EHD4: variants seen among roughly 807,000 people sequenced by gnomAD.
EHD4 encodes EH domain-containing protein 4.
A neutral mutation model predicts 51.0 loss-of-function variants in EHD4; 37 were observed. That is an observed-to-expected ratio of 0.73 (90% CI 0.56 to 0.95). EHD4 has a LOEUF of 0.95. Among genes scored for constraint, EHD4 ranks in the 40% least tolerant of loss-of-function variants. EHD4 has a pLI of 0.00. For synonymous variants in EHD4, 297 were observed against 317.3 expected (o/e 0.94, Z 0.68); for missense variants, 632 against 733.1 (o/e 0.86, Z 1.59).
intron 1 of EHD4, among the ~76,000 whole-genome samples, chr15:41,969,783 GC>G (rs2067984685): frequency 6.6e-6 from 1 of 152,082 alleles, no homozygotes; most frequent in Non-Finnish European, 1.5e-5. Flanking sequence ...TCCTTCTCTG[GC>G]CAATTCTTTA....
Position 41,900,844 on chromosome 15 carries a change from G to T in EHD4, c.1427C>A (p.Thr476Asn), listed in dbSNP as rs2067472337. The T allele has an allele frequency of 6.2e-7, 1 of 1,614,170 alleles. No individual in the cohort carries two copies. ...SGVNAKKEMV[T>N]SKLPNSVLGK... ...CAGGACGCTGTTGGGCAGCTTGGAG[G>T]TCACCATCTCCTTCTTGGCGTTGAC... The change falls in exon 6 of 6, where the codon ACC (threonine) becomes AAC (asparagine). Residue 476 changes from threonine to asparagine, a missense_variant. Physicochemically the swap from Thr to Asn is moderately conservative, Grantham distance 65. Coordinates refer to ENST00000220325, the MANE Select transcript of EHD4 (RefSeq NM_139265.4). This position sits in a 1 kb window ranked among gnomAD's most constrained non-coding sequence, Gnocchi z 4.8.
intron 2 of EHD4, among the ~76,000 whole-genome samples, chr15:41,944,825 TAA>T (rs1491396258): frequency 1.8e-4 from 28 of 152,214 alleles, no homozygotes; most frequent in South Asian, 2.1e-4. Context: ...ACATTAAAAG[TAA>T]AGGGTCAAGT....
chr15:41,930,345 A>G (rs116116206), intron 3 of EHD4, among the ~76,000 whole-genome samples: 2,436 of 152,328 alleles, frequency 0.016, 61 homozygotes, highest in African/African-American at 0.056. Context: ...AATCAGACGG[A>G]GTTGGCGTGG....
At chr15:41,956,249 G>C (rs1215099301) in intron 1 of EHD4, among the ~76,000 whole-genome samples, 1 of 152,232 alleles carries the variant, frequency 6.6e-6, no homozygotes, top group African/African-American at 2.4e-5. Context: ...GAAGAGCTCG[G>C]TGTGGAGCTC....
intron 3 of EHD4, among the ~76,000 whole-genome samples, chr15:41,937,691 C>T (rs1417142120): frequency 6.6e-6 from 1 of 152,186 alleles, no homozygotes; most frequent in Non-Finnish European, 1.5e-5. Context: ...TCTCCTTTCC[C>T]GAGCAAGCTT....
rs138382163 is a variant in EHD4 at position 41,953,862 on chromosome 15, A to G, written c.315T>C (p.Tyr105=). ...PTTDSFIAVM[Y]GETEGSTPGN... is the part of the protein sequence containing the mutation. ...CTGGGGTGCTGCCCTCAGTCTCTCC[A>G]TACATCACGGCGATGAAGGAGTCTG... The change falls in exon 2 of 6, where the codon TAT becomes TAC. Residue 105 remains tyrosine (Y), a synonymous_variant. Transcript: ENST00000220325. 6 of 1,613,938 alleles carry G rather than the reference A, an allele frequency of 3.7e-6. No homozygotes were observed. The African/African-American group carries it at 8.0e-5, about 22-fold the overall frequency.
intron 2 of EHD4, among the ~76,000 whole-genome samples, chr15:41,951,504 TGCC>T (rs2067852294): frequency 6.6e-6 from 1 of 152,196 alleles, no homozygotes; most frequent in South Asian, 2.1e-4. Context: ...GTAAATCATT[TGCC>T]AAAATAAAGC....
chr15:41,968,122 C>A (rs1335441492), intron 1 of EHD4, among the ~76,000 whole-genome samples: 1 of 152,144 alleles, frequency 6.6e-6, no homozygotes, highest in African/African-American at 2.4e-5. Flanking sequence ...TCTAATCATA[C>A]CTTAAAAGGC....
chr15:41,935,286 A>G (rs181847732), intron 3 of EHD4, among the ~76,000 whole-genome samples: 8 of 152,220 alleles, frequency 5.3e-5, no homozygotes, highest in African/African-American at 1.9e-4. Context: ...TGGCTCCTCT[A>G]TCTCCCCTAG....
At position 41,963,296 on chromosome 15, in the gene EHD4, T is replaced by TAAA. The variant is rs35077069; in HGVS notation, c.236+8960_236+8962dup. The stretch of plus-strand genomic sequence containing the variant: ...ACACCCAAGAATGATCAATAAATAC[T>TAAA]AAAAAAAAAAAAAAAAAAGAGGCAG... On this transcript the variant is annotated intron_variant, in intron 1 of 5. Coordinates refer to ENST00000220325, the MANE Select transcript of EHD4 (RefSeq NM_139265.4). Among the ~76,000 whole-genome samples, 339 of 126,942 alleles carry TAAA rather than the reference T, an allele frequency of 2.7e-3. 4 individuals carry two copies. The highest frequency in any genetic ancestry group is 1.0e-2 in the African/African-American group (322 of 32,310). 83.3% of individuals were successfully genotyped at this position (126,942 alleles called of 152,430 possible).
chr15:41,919,017 T>A (rs1221329864), intron 4 of EHD4, among the ~76,000 whole-genome samples, 193 bp downstream of exon 4: 1 of 152,164 alleles, frequency 6.6e-6, no homozygotes, highest in Non-Finnish European at 1.5e-5. Context: ...GGGTTAGTCA[T>A]CTGCCCAGGA....
intron 4 of EHD4, among the ~76,000 whole-genome samples, chr15:41,918,817 C>G (rs1206006577): frequency 6.6e-6 from 1 of 152,242 alleles, no homozygotes; most frequent in Non-Finnish European, 1.5e-5. Context: ...CCAATGCCAC[C>G]TCTTTCAGGT....
chr15:41,901,524 G>A (rs1476549359), intron 5 of EHD4, among the ~76,000 whole-genome samples: 2 of 152,138 alleles, frequency 1.3e-5, no homozygotes, highest in South Asian at 2.1e-4. Context: ...CACTTCAGCC[G>A]ATCTTCATAG....
intron 1 of EHD4, among the ~76,000 whole-genome samples, chr15:41,972,029 G>A (rs2067999778): frequency 6.6e-6 from 1 of 152,064 alleles, no homozygotes; most frequent in South Asian, 2.1e-4. Flanking sequence ...AACGCCTTCC[G>A]AACCGCAAGG....
chr15:41,954,018 A>AT (rs1357597826), intron 1 of EHD4, 78 bp from the exon 2 acceptor site: 16 of 1,445,986 alleles, frequency 1.1e-5, no homozygotes, highest in African/African-American at 1.0e-4. Context: ...GGGATTACCA[A>AT]TTTTTTTACA....
At chr15:41,935,092 A>C (rs2067723151) in intron 3 of EHD4, among the ~76,000 whole-genome samples, 2 of 152,002 alleles carry the variant, frequency 1.3e-5, no homozygotes, top group Admixed American at 1.3e-4. Context: ...GCCAGGTCTC[A>C]CCTACTCTCT....
intron 5 of EHD4, chr15:41,908,470 A>G (rs2032291639): frequency 6.6e-6 from 1 of 151,914 alleles, no homozygotes. Flanking sequence ...TTTTTAATCT[A>G]TGCTGGCTTC....
chr15:41,927,339 T>C (rs2067669614), intron 3 of EHD4, among the ~76,000 whole-genome samples: 1 of 152,232 alleles, frequency 6.6e-6, no homozygotes, highest in Non-Finnish European at 1.5e-5. Context: ...TTTGAAGAGA[T>C]ATCTGCACAC....
In EHD4 at chr15:41,898,853, A is replaced by G. The variant is rs1191213974; in HGVS notation, c.*1792T>C. On this transcript the variant is annotated 3_prime_UTR_variant, in exon 6 of 6. Coordinates refer to ENST00000220325, the MANE Select transcript of EHD4 (RefSeq NM_139265.4). ...CTCTCAAAATAAAAATAAAAATAAT[A>G]AAATAATAAATGGTTCTTTTCTATG... 2 of 152,180 alleles carry G rather than the reference A, an allele frequency of 1.3e-5. No homozygotes were observed. The highest frequency in any genetic ancestry group is 2.9e-5 in the Non-Finnish European group (2 of 68,032). The allele number at this position is 152,180 out of a possible 1,614,324, so 9.4% of individuals were successfully genotyped here.
Sources: gnomAD v4.1 joint callset for allele counts (sites outside exome capture counted in the v4.1 genomes callset) on GRCh38, gnomAD v4.1.1 for gene constraint, Gnocchi (gnomAD v3.1) non-coding constraint, MANE v1.5 for transcripts, NCBI Gene and HGNC (gene_info 2026-07-23, HGNC 2026-07-21) for gene names.